PACSIN2: variants seen among roughly 807,000 people sequenced by gnomAD.
PACSIN2 encodes protein kinase C and casein kinase substrate in neurons 2, also known as protein kinase C and casein kinase substrate in neurons protein 2.
Under a neutral mutation model 63.8 loss-of-function variants are expected in PACSIN2, and 25 were observed. That is an observed-to-expected ratio of 0.39 (90% CI 0.29 to 0.55). The LOEUF (loss-of-function observed/expected upper bound fraction) is 0.55, where lower values mean the gene tolerates loss of function less well. Among genes scored for constraint, PACSIN2 ranks in the 20% least tolerant of loss-of-function variants. The probability of loss-of-function intolerance (pLI) is 0.62; values close to 1 mark genes in which losing one functional copy is unlikely to be tolerated. For missense variants in PACSIN2, 518 were observed against 646.9 expected (o/e 0.80, Z 2.16); for synonymous variants, 255 against 256.2 (o/e 1.00, Z 0.05).
chr22:42,996,818 T>G (rs1270259412), intron 1 of PACSIN2, among the ~76,000 whole-genome samples: 1 of 152,222 alleles, frequency 6.6e-6, no homozygotes, highest in Non-Finnish European at 1.5e-5. Context: ...TCAAGCTGCA[T>G]GCTGATCAAA....
At chr22:42,932,663 A>G (rs1006451417) in intron 1 of PACSIN2, among the ~76,000 whole-genome samples, 2 of 152,194 alleles carry the variant, frequency 1.3e-5, no homozygotes, top group African/African-American at 4.8e-5. Flanking sequence ...CAGGAGAGAA[A>G]AAAGATTAGT....
At chr22:42,939,874 T>C (rs987502354) in intron 1 of PACSIN2, among the ~76,000 whole-genome samples, 1 of 152,242 alleles carries the variant, frequency 6.6e-6, no homozygotes, top group South Asian at 2.1e-4. Flanking sequence ...GCACCTGCGA[T>C]GTTCCAGGAA....
In PACSIN2 at chr22:42,979,419, A is replaced by G. The variant is rs1413370022; in HGVS notation, c.-78+35602T>C. 3.3e-5 allele frequency among the ~76,000 whole-genome samples: 5 copies of G among 151,398 alleles called. No individual in the cohort carries two copies. The East Asian group carries it at 9.7e-4, about 29-fold the overall frequency. Reference sequence around the variant, plus strand: ...GGCGTCTGTAATCCCAGCTACTCCAAAGGCTGAGGCATGGGAATCACTTGA... The same window carrying G: ...GGCGTCTGTAATCCCAGCTACTCCAGAGGCTGAGGCATGGGAATCACTTGA... On this transcript the variant is annotated intron_variant, in intron 1 of 10. Transcript: ENST00000263246.
chr22:42,987,600 CG>C (rs1191188787), intron 1 of PACSIN2, among the ~76,000 whole-genome samples: 4 of 129,610 alleles, frequency 3.1e-5, no homozygotes, highest in Non-Finnish European at 4.6e-5. Flanking sequence ...GGTGCAATCT[CG>C]GCTCACTGCA....
chr22:42,965,541 A>G (rs531390713), intron 1 of PACSIN2, among the ~76,000 whole-genome samples: 1 of 152,250 alleles, frequency 6.6e-6, no homozygotes, highest in Non-Finnish European at 1.5e-5. Flanking sequence ...CATCTGCAAT[A>G]CAGTGGTGAC....
chr22:42,891,031 C>T lies in PACSIN2; in HGVS notation c.369G>A (p.Gln123=), dbSNP rs1929868193. ...KNWQKEAFHK[Q]MMGGFKETKE... is the part of the protein sequence containing the mutation. ...TGGTCTCCTTGAAGCCGCCCATCAT[C>T]TGCTTGTGAAAGGCTTCCTTCTGCC... The change falls in exon 4 of 11, where the codon CAG becomes CAA. Residue 123 remains glutamine (Q), a synonymous_variant. Transcript: ENST00000263246. 1 of 1,614,198 alleles carries T rather than the reference C, an allele frequency of 6.2e-7. No homozygotes were observed.
At chr22:42,910,054 T>TG (rs1931346063) in intron 2 of PACSIN2, among the ~76,000 whole-genome samples, 1 of 152,182 alleles carries the variant, frequency 6.6e-6, no homozygotes, top group Non-Finnish European at 1.5e-5. Context: ...GATTGGGAAA[T>TG]GAAGGCAAAG....
intron 7 of PACSIN2, chr22:42,880,474 C>A (rs1268874457): frequency 6.6e-6 from 1 of 152,180 alleles, no homozygotes; most frequent in Admixed American, 6.5e-5. Context: ...ATGGGAAGGG[C>A]CGGCTCTCAA....
intron 1 of PACSIN2, among the ~76,000 whole-genome samples, chr22:42,987,920 C>A (rs1211850894): frequency 6.6e-6 from 1 of 151,984 alleles, no homozygotes; most frequent in East Asian, 1.9e-4. Context: ...GCGGGCAGAT[C>A]ACTTGAGGTC....
chr22:42,981,358 G>C (rs1922103810), intron 1 of PACSIN2, among the ~76,000 whole-genome samples: 1 of 145,380 alleles, frequency 6.9e-6, no homozygotes, highest in Non-Finnish European at 1.5e-5. Flanking sequence ...GAGGTGGGGG[G>C]GGTCAGCCCC....
In PACSIN2 at chr22:42,870,819, A is replaced by T. The variant is rs1459258941; in HGVS notation, c.*538T>A. 6.5e-6 allele frequency: 1 copy of T among 153,180 alleles called. No homozygotes were observed. Among genetic ancestry groups the T allele is most frequent in the Admixed American group, 6.5e-5 (1 of 15,492 alleles). The allele number at this position is 153,180 out of a possible 1,614,324, so 9.5% of individuals were successfully genotyped here. On this transcript the variant is annotated 3_prime_UTR_variant, in exon 11 of 11. Transcript: ENST00000263246. ...AGCCTACACACGGCGTGGCTGAGTA[A>T]CAGGGTAAGGGAATAGGGAGATCGT...
chr22:43,010,398 A>ATATATATATATATATATATTT, intron 1 of PACSIN2, among the ~76,000 whole-genome samples: 1,709 of 126,190 alleles, frequency 0.014, 16 homozygotes, highest in South Asian at 0.02. Context: ...ATATATATAT[A>ATATATATATATATATATATTT]TTTTTTTTTA....
At chr22:42,901,671 C>G (rs184309509) in intron 2 of PACSIN2, among the ~76,000 whole-genome samples, 1 of 151,914 alleles carries the variant, frequency 6.6e-6, no homozygotes, top group Non-Finnish European at 1.5e-5. Context: ...CCGCCTGCCA[C>G]GGCGATCGCC....
chr22:42,909,794 TG>T (rs1203750291), intron 2 of PACSIN2, among the ~76,000 whole-genome samples: 1 of 152,232 alleles, frequency 6.6e-6, no homozygotes, highest in African/African-American at 2.4e-5. Context: ...TGAAGAATTC[TG>T]TAATAGCACT....
At chr22:43,013,506 T>C (rs1385082830) in intron 1 of PACSIN2, among the ~76,000 whole-genome samples, 1 of 152,170 alleles carries the variant, frequency 6.6e-6, no homozygotes, top group African/African-American at 2.4e-5. Flanking sequence ...AGCTTCAATG[T>C]CTCCATGAGG....
At chr22:42,966,793 A>G (rs1384833486) in intron 1 of PACSIN2, among the ~76,000 whole-genome samples, 1 of 152,236 alleles carries the variant, frequency 6.6e-6, no homozygotes, top group African/African-American at 2.4e-5. Flanking sequence ...TGGGCAACAC[A>G]TTAAAAATGG....
At chr22:42,881,444 A>G (rs1177939504) in intron 7 of PACSIN2, among the ~76,000 whole-genome samples, 7 of 152,130 alleles carry the variant, frequency 4.6e-5, no homozygotes, top group Admixed American at 3.3e-4. Context: ...GCCGCTGCTG[A>G]GTCGGGGAAG....
intron 1 of PACSIN2, among the ~76,000 whole-genome samples, chr22:42,926,922 A>G (rs1217868783): frequency 2.0e-5 from 3 of 151,948 alleles, no homozygotes; most frequent in Non-Finnish European, 4.4e-5. Context: ...TCTGCTTACC[A>G]CACCTGGCTG....
At chr22:42,949,280 G>T (rs998421003) in intron 1 of PACSIN2, among the ~76,000 whole-genome samples, 13 of 152,178 alleles carry the variant, frequency 8.5e-5, no homozygotes, top group Admixed American at 5.9e-4. Context: ...TCAGTCTCCA[G>T]CCTTCCCAGC....
Sources: allele counts gnomAD v4.1 joint callset (sites outside exome capture counted in the v4.1 genomes callset), GRCh38; gene constraint gnomAD v4.1.1; transcripts MANE v1.5; gene names NCBI Gene and HGNC (gene_info 2026-07-23, HGNC 2026-07-21).